Variants in ITCH observed in about 807,000 individuals in gnomAD.
ITCH encodes itchy E3 ubiquitin protein ligase.
A neutral mutation model predicts 126.8 loss-of-function variants in ITCH; 28 were observed. The observed-to-expected ratio is 0.22, with a 90% confidence interval of 0.16 to 0.30. The LOEUF is 0.30. ITCH is among the 10% of genes least tolerant of loss of function. The pLI, the probability that ITCH is intolerant of heterozygous loss-of-function variation, is 1.00. For synonymous variants in ITCH, 342 were observed against 340.0 expected, an observed-to-expected ratio of 1.01 and a Z score of -0.06; for missense variants, 631 against 1,032.4, an observed-to-expected ratio of 0.61 and a Z score of 5.33.
intron 2 of ITCH, among the ~76,000 whole-genome samples, chr20:34,380,594 C>T (rs1890001): frequency 0.56 from 74,670 of 133,742 alleles, 20,592 homozygotes; most frequent in African/African-American, 0.64. Flanking sequence ...TTTCCATTTT[C>T]TTAATGATGT....
chr20:34,403,884 A>G (rs145999081), intron 3 of ITCH, among the ~76,000 whole-genome samples: 70 of 152,104 alleles, frequency 4.6e-4, no homozygotes, highest in African/African-American at 1.7e-3. Flanking sequence ...AGGAACAGCA[A>G]ATAACTAAGG....
At chr20:34,436,004 C>T (rs1438435153) in intron 7 of ITCH, among the ~76,000 whole-genome samples, 6 of 152,094 alleles carry the variant, frequency 3.9e-5, no homozygotes, top group Admixed American at 2.6e-4. Flanking sequence ...AGGAGTTGTA[C>T]GGGTTATCAG....
chr20:34,414,995 G>A (rs1388652989), intron 6 of ITCH, among the ~76,000 whole-genome samples: 1 of 152,214 alleles, frequency 6.6e-6, no homozygotes, highest in Non-Finnish European at 1.5e-5. Flanking sequence ...TACACAGCTA[G>A]CATATTTAAT....
At chr20:34,365,144 G>A (rs1281405014) in intron 1 of ITCH, among the ~76,000 whole-genome samples, 1 of 151,930 alleles carries the variant, frequency 6.6e-6, no homozygotes, top group Non-Finnish European at 1.5e-5. Flanking sequence ...AGGCTGCGGT[G>A]AGCTGTTACC....
intron 18 of ITCH, among the ~76,000 whole-genome samples, chr20:34,480,215 G>A (rs1038375663): frequency 2.0e-5 from 3 of 151,190 alleles, no homozygotes; most frequent in Admixed American, 2.0e-4. Context: ...GTGTTTTTTT[G>A]AGACAAAGTT....
At chr20:34,387,118 C>T (rs2038311221) in intron 2 of ITCH, among the ~76,000 whole-genome samples, 1 of 151,362 alleles carries the variant, frequency 6.6e-6, no homozygotes, top group African/African-American at 2.4e-5. Context: ...GCCTGGCCAA[C>T]ATGGCAAAAC....
intron 20 of ITCH, among the ~76,000 whole-genome samples, chr20:34,488,652 G>A (rs925476369): frequency 6.6e-6 from 1 of 152,132 alleles, no homozygotes; most frequent in Non-Finnish European, 1.5e-5. Flanking sequence ...GGTGGAGGCT[G>A]CAGTGAGCCC....
chr20:34,390,443 CT>C (rs546555130), intron 2 of ITCH, among the ~76,000 whole-genome samples: 5,906 of 90,762 alleles, frequency 0.065, 44 homozygotes, highest in Non-Finnish European at 0.093. Flanking sequence ...CAAGAATAAT[CT>C]TTTTTTTTTT....
At chr20:34,379,866 G>A (rs1388118754) in intron 2 of ITCH, among the ~76,000 whole-genome samples, 1 of 149,908 alleles carries the variant, frequency 6.7e-6, no homozygotes, top group Non-Finnish European at 1.5e-5. Flanking sequence ...CAAAGTGCTG[G>A]GATTACAGGC....
chr20:34,468,413 C>T (rs1182441963), intron 14 of ITCH, among the ~76,000 whole-genome samples: 6 of 151,944 alleles, frequency 3.9e-5, no homozygotes, highest in Admixed American at 3.3e-4. Flanking sequence ...TACCGTAGAA[C>T]ATCAAGAGTA....
In ITCH at chr20:34,421,357, G is replaced by A. The variant is rs917130325; in HGVS notation, c.476-3123G>A. Among the ~76,000 whole-genome samples, 4 of 152,166 alleles carry A rather than the reference G, an allele frequency of 2.6e-5. No individual in the cohort carries two copies. In the East Asian group the frequency reaches 7.7e-4, roughly 29 times the overall value. Reference sequence around the variant, plus strand: ...ATGTGTTAAAACGCTTTATCTAGGAGCTAGTTATTTTGTGGTGGGAGGGCA... The same window carrying A: ...ATGTGTTAAAACGCTTTATCTAGGAACTAGTTATTTTGTGGTGGGAGGGCA... On this transcript the variant is annotated intron_variant, in intron 6 of 24. Coordinates refer to ENST00000374864, the MANE Select transcript of ITCH (RefSeq NM_031483.7).
Position 34,479,583 on chromosome 20 carries a change from T to C in ITCH, c.1659-47T>C, listed in dbSNP as rs1447850308. On this transcript the variant is annotated intron_variant, in intron 17 of 24. Transcript: ENST00000374864. ...CTTTATAGCACTGTTCTTTGATTTC[T>C]TGGTAACCTACAAGATTTTTCATCG... is the stretch of plus-strand genomic sequence containing the variant. 1.9e-6 allele frequency: 3 copies of C among 1,538,580 alleles called. No individual in the cohort carries two copies. In the African/African-American group the frequency reaches 4.1e-5, roughly 21 times the overall value.
intron 16 of ITCH, among the ~76,000 whole-genome samples, chr20:34,474,788 G>A (rs1012366886): frequency 2.4e-5 from 1 of 41,748 alleles, no homozygotes; most frequent in East Asian, 5.4e-4. Context: ...TGGCCGGGCG[G>A]GGGGGCTGAC....
At chr20:34,460,405 C>G (rs1045501521) in intron 13 of ITCH, among the ~76,000 whole-genome samples, 4 of 143,752 alleles carry the variant, frequency 2.8e-5, no homozygotes, top group Non-Finnish European at 1.5e-5. Context: ...GTTGCCCAGG[C>G]TGGTGGGAAG....
chr20:34,380,133 C>T (rs2038002299), intron 2 of ITCH, among the ~76,000 whole-genome samples: 1 of 151,812 alleles, frequency 6.6e-6, no homozygotes, highest in Admixed American at 6.6e-5. Context: ...CTTGACCTTC[C>T]TCAGCTGGGA....
At chr20:34,381,905 C>G (rs1264592199) in intron 2 of ITCH, among the ~76,000 whole-genome samples, 1 of 151,752 alleles carries the variant, frequency 6.6e-6, no homozygotes, top group African/African-American at 2.4e-5. Flanking sequence ...TCAAAACACT[C>G]AATTTCTCAA....
At chr20:34,382,728 C>T (rs370325050) in intron 2 of ITCH, among the ~76,000 whole-genome samples, 33 of 139,928 alleles carry the variant, frequency 2.4e-4, no homozygotes, top group Middle Eastern at 3.8e-3. Flanking sequence ...TTTATTATTA[C>T]TATTATTATT....
intron 14 of ITCH, chr20:34,466,530 G>C: frequency 2.2e-6 from 1 of 447,164 alleles, no homozygotes; most frequent in Non-Finnish European, 4.3e-6. Context: ...TTTAGATATG[G>C]GAATAAATTA....
intron 6 of ITCH, among the ~76,000 whole-genome samples, chr20:34,418,481 C>T (rs1444965463): frequency 2.6e-5 from 4 of 151,938 alleles, no homozygotes; most frequent in South Asian, 2.1e-4. Flanking sequence ...TAGGGTAAAC[C>T]ATTTTCATAT....
Sources: gnomAD v4.1 joint callset for allele counts (sites outside exome capture counted in the v4.1 genomes callset) on GRCh38, gnomAD v4.1.1 for gene constraint, MANE v1.5 for transcripts, NCBI Gene and HGNC (gene_info 2026-07-23, HGNC 2026-07-21) for gene names.